Variants in PHACTR1 observed in about 807,000 individuals in gnomAD.
PHACTR1 encodes RPEL repeat containing 1.
Under a neutral mutation model 69.2 loss-of-function variants are expected in PHACTR1, and 16 were observed. The observed-to-expected ratio is 0.23, with a 90% CI of 0.16 to 0.35. The LOEUF (loss-of-function observed/expected upper bound fraction) is 0.35, where lower values mean the gene tolerates loss of function less well. Ranked by LOEUF, PHACTR1 falls within the 10% of genes least tolerant of loss-of-function variation. The pLI is 1.00. For synonymous variants in PHACTR1, 312 were observed against 284.5 expected (o/e 1.10, Z -0.97); for missense variants, 510 against 734.7 (o/e 0.69, Z 3.54).
In PHACTR1 at chr6:13,280,983, A is replaced by G; in HGVS notation, c.1510-2439A>G. 13 of 1,289,570 alleles carry G rather than the reference A, an allele frequency of 1.0e-5. 1 individual carries two copies. The highest frequency in any genetic ancestry group is 1.0e-5 in the Non-Finnish European group (10 of 988,692). 79.9% of individuals were successfully genotyped at this position (1,289,570 alleles called of 1,614,324 possible). On this transcript the variant is annotated intron_variant, in intron 12 of 14. Transcript: ENST00000332995. ...TGTTAGTGCTGGGGTCCGTGCACCA[A>G]CTGTGACTCTGAGAGGCAGCAGCCA...
intron 7 of PHACTR1, among the ~76,000 whole-genome samples, chr6:13,203,359 A>G (rs1209330801): frequency 6.6e-6 from 1 of 152,228 alleles, no homozygotes; most frequent in East Asian, 1.9e-4. Context: ...GTGTCTTCAG[A>G]GACCCTGTTT....
intron 4 of PHACTR1, among the ~76,000 whole-genome samples, chr6:12,781,061 A>G (rs1770760503): frequency 6.6e-6 from 1 of 152,116 alleles, no homozygotes; most frequent in South Asian, 2.1e-4. Context: ...AAAAACTGAA[A>G]TTCTTCTCAA....
intron 4 of PHACTR1, among the ~76,000 whole-genome samples, chr6:12,893,185 C>A (rs1285332966): frequency 6.6e-6 from 1 of 152,120 alleles, no homozygotes; most frequent in Admixed American, 6.5e-5. Flanking sequence ...CCATATCTTA[C>A]AGGCATGAAA....
intron 5 of PHACTR1, among the ~76,000 whole-genome samples, chr6:13,120,693 G>A (rs1317919429): frequency 6.6e-6 from 1 of 152,198 alleles, no homozygotes; most frequent in Non-Finnish European, 1.5e-5. Context: ...GCTGCAGAGG[G>A]CATGCTGCCC....
At chr6:13,099,458 A>G (rs1391004993) in intron 5 of PHACTR1, among the ~76,000 whole-genome samples, 1 of 152,182 alleles carries the variant, frequency 6.6e-6, no homozygotes, top group Non-Finnish European at 1.5e-5. Flanking sequence ...TTCTCTGGTC[A>G]CTCAGACTGG....
intron 4 of PHACTR1, among the ~76,000 whole-genome samples, chr6:12,899,505 G>A (rs1338620339): frequency 1.3e-5 from 2 of 152,076 alleles, no homozygotes; most frequent in African/African-American, 4.8e-5. Context: ...TAATTAAAAG[G>A]GTGTGCCTTG....
chr6:12,874,670 C>A (rs1782368794), intron 4 of PHACTR1, among the ~76,000 whole-genome samples: 1 of 152,124 alleles, frequency 6.6e-6, no homozygotes, highest in African/African-American at 2.4e-5. Flanking sequence ...AACACATTTC[C>A]AAATGTGGTA....
intron 4 of PHACTR1, among the ~76,000 whole-genome samples, chr6:12,752,268 C>A (rs1766713112): frequency 6.6e-6 from 1 of 152,198 alleles, no homozygotes; most frequent in South Asian, 2.1e-4. Flanking sequence ...TGTTTATCTC[C>A]TTAAGCAGCA....
intron 4 of PHACTR1, among the ~76,000 whole-genome samples, chr6:12,816,561 T>C (rs1775615459): frequency 6.6e-6 from 1 of 152,246 alleles, no homozygotes; most frequent in Non-Finnish European, 1.5e-5. Context: ...AGTGTGTCAC[T>C]GTCCACTGAA....
intron 4 of PHACTR1, among the ~76,000 whole-genome samples, chr6:12,884,491 C>T (rs1490235129): frequency 6.6e-6 from 1 of 151,954 alleles, no homozygotes; most frequent in Admixed American, 6.6e-5. Flanking sequence ...AGCTCCGCCT[C>T]CTGGGTTCAT....
chr6:12,809,822 T>A (rs1294297350), intron 4 of PHACTR1, among the ~76,000 whole-genome samples: 1 of 152,218 alleles, frequency 6.6e-6, no homozygotes, highest in East Asian at 1.9e-4. Flanking sequence ...AAAAAATAAA[T>A]TGTATCAAAA....
chr6:13,150,759 C>T (rs7771038), intron 5 of PHACTR1, among the ~76,000 whole-genome samples: 5,352 of 152,216 alleles, frequency 0.035, 215 homozygotes, highest in African/African-American at 0.096. Context: ...TTTCTCATTG[C>T]TCCCCTTTCT....
intron 4 of PHACTR1, among the ~76,000 whole-genome samples, chr6:12,788,164 A>T (rs1364893602): frequency 4.2e-5 from 2 of 47,788 alleles, no homozygotes; most frequent in African/African-American, 2.3e-4. Context: ...TCTCAAATTA[A>T]AAAAAAAAAA....
chr6:12,927,373 G>A (rs916026341), intron 4 of PHACTR1, among the ~76,000 whole-genome samples: 13 of 152,050 alleles, frequency 8.5e-5, no homozygotes, highest in African/African-American at 2.7e-4. Flanking sequence ...TCTTGCATGG[G>A]CTTGCAAAGA....
intron 4 of PHACTR1, among the ~76,000 whole-genome samples, chr6:12,804,283 C>T (rs1273054099): frequency 2.0e-5 from 3 of 152,164 alleles, no homozygotes; most frequent in South Asian, 2.1e-4. Flanking sequence ...TATTCAGTGA[C>T]TTGTGGGAGG....
chr6:12,850,401 A>G (rs147210908), intron 4 of PHACTR1, among the ~76,000 whole-genome samples: 8 of 152,360 alleles, frequency 5.3e-5, no homozygotes, highest in African/African-American at 1.9e-4. Flanking sequence ...CTGCTAGTTA[A>G]TCAACTTTGC....
At chr6:12,897,790 G>T (rs1451015091) in intron 4 of PHACTR1, among the ~76,000 whole-genome samples, 4 of 151,820 alleles carry the variant, frequency 2.6e-5, no homozygotes, top group Non-Finnish European at 5.9e-5. Context: ...AGGTATACAT[G>T]TGCCATGGTG....
chr6:12,731,004 T>TTATTTATTTATA (rs1763450069), intron 3 of PHACTR1, among the ~76,000 whole-genome samples: 1 of 149,406 alleles, frequency 6.7e-6, no homozygotes, highest in Admixed American at 6.7e-5. Flanking sequence ...ATTTATTTAT[T>TTATTTATTTATA]TATTTATTTA....
chr6:13,243,000 A>G (rs922721705), intron 10 of PHACTR1, among the ~76,000 whole-genome samples: 1 of 152,242 alleles, frequency 6.6e-6, no homozygotes, highest in Non-Finnish European at 1.5e-5. Context: ...ACTGGAAAAG[A>G]CACAGCAAGT....
Sources: gnomAD v4.1 joint callset for allele counts (sites outside exome capture counted in the v4.1 genomes callset) on GRCh38, gnomAD v4.1.1 for gene constraint, MANE v1.5 for transcripts, NCBI Gene and HGNC (gene_info 2026-07-23, HGNC 2026-07-21) for gene names.